CCNY: variants seen among roughly 807,000 people sequenced by gnomAD.
CCNY encodes cyclin Y, also known as cyclin-Y.
CCNY carries 19 observed loss-of-function variants against 42.8 expected under a neutral mutation model. The ratio of observed to expected loss-of-function variants is 0.44; its 90% CI spans 0.31 to 0.65. The LOEUF is 0.65. Ranked by LOEUF, CCNY falls within the 30% of genes least tolerant of loss-of-function variation. CCNY has a pLI of 0.07. For synonymous variants in CCNY, 165 were observed against 162.7 expected (o/e 1.01, Z -0.11); for missense variants, 370 against 437.3 (o/e 0.85, Z 1.37).
chr10:35,314,356 C>T (rs1835727669), intron 3 of CCNY, among the ~76,000 whole-genome samples: 1 of 152,036 alleles, frequency 6.6e-6, no homozygotes, highest in Non-Finnish European at 1.5e-5. Context: ...GAGAGCCAAG[C>T]AAAAGGGGAA....
chr10:35,282,999 A>T (rs1410115203), intron 3 of CCNY, among the ~76,000 whole-genome samples: 3 of 152,164 alleles, frequency 2.0e-5, no homozygotes, highest in Non-Finnish European at 4.4e-5. Flanking sequence ...GATGTGCTGC[A>T]CATTGAGCGA....
At chr10:35,258,781 CA>C (rs2095717321) in intron 3 of CCNY, among the ~76,000 whole-genome samples, 1 of 152,018 alleles carries the variant, frequency 6.6e-6, no homozygotes, top group East Asian at 1.9e-4. Flanking sequence ...ACTAAAAATA[CA>C]AAAATAAGCT....
intron 1 of CCNY, among the ~76,000 whole-genome samples, chr10:35,342,511 C>G (rs2135122562): frequency 6.6e-6 from 1 of 152,326 alleles, no homozygotes; most frequent in South Asian, 2.1e-4. Context: ...TCTCTGCTTA[C>G]TTTTCATGTT....
chr10:35,524,046 A>G (rs917992518), intron 4 of CCNY, among the ~76,000 whole-genome samples: 1 of 152,254 alleles, frequency 6.6e-6, no homozygotes, highest in Non-Finnish European at 1.5e-5. Context: ...CAGCATGACT[A>G]GTAAACGAAT....
At chr10:35,360,002 A>G (rs1460360946) in intron 1 of CCNY, among the ~76,000 whole-genome samples, 3 of 152,214 alleles carry the variant, frequency 2.0e-5, no homozygotes, top group African/African-American at 7.2e-5. Context: ...TTGTTTACCC[A>G]TTCATCTCTT....
chr10:35,400,599 A>G (rs1429646869), intron 1 of CCNY, among the ~76,000 whole-genome samples: 2 of 152,250 alleles, frequency 1.3e-5, no homozygotes, highest in Non-Finnish European at 2.9e-5. Context: ...TAAAAGAATT[A>G]TCAGTAGCTG....
At chr10:35,324,171 G>A (rs1285571875) in intron 3 of CCNY, among the ~76,000 whole-genome samples, 1 of 152,174 alleles carries the variant, frequency 6.6e-6, no homozygotes, top group Non-Finnish European at 1.5e-5. Flanking sequence ...AGACGACCCT[G>A]GCACTCATAG....
chr10:35,440,302 A>ACTCAC (rs1325851372), intron 1 of CCNY, among the ~76,000 whole-genome samples: 1 of 152,168 alleles, frequency 6.6e-6, no homozygotes, highest in Non-Finnish European at 1.5e-5. Flanking sequence ...AACTCAGGGA[A>ACTCAC]CTCACCCCTG....
Position 35,571,359 on chromosome 10 carries a change from C to T in CCNY, c.*2189C>T, listed in dbSNP as rs1841682940. ...TCTATTTATTGTATGTATGTACATA[C>T]AGTCTGATACCTAAAATTTAAAGTG... On this transcript the variant is annotated 3_prime_UTR_variant, in exon 10 of 10. Coordinates refer to ENST00000374704, the MANE Select transcript of CCNY (RefSeq NM_145012.6). The T allele has an allele frequency of 6.6e-6, 1 of 152,330 alleles. No individual in the cohort carries two copies. 9.4% of individuals were successfully genotyped at this position (152,330 alleles called of 1,614,324 possible).
intron 1 of CCNY, among the ~76,000 whole-genome samples, chr10:35,482,923 C>G (rs1839705704): frequency 6.6e-6 from 1 of 152,090 alleles, no homozygotes; most frequent in Non-Finnish European, 1.5e-5. Flanking sequence ...GTAGCTTTTG[C>G]TCTAAGGGAC....
intron 1 of CCNY, among the ~76,000 whole-genome samples, chr10:35,476,183 A>G (rs1264117385): frequency 6.6e-6 from 1 of 152,184 alleles, no homozygotes; most frequent in South Asian, 2.1e-4. Context: ...CACATTAATA[A>G]TGGGAGACTT....
At chr10:35,320,763 G>A (rs1461897312) in intron 3 of CCNY, 2 of 152,252 alleles carry the variant, frequency 1.3e-5, no homozygotes, top group East Asian at 3.9e-4. Flanking sequence ...AGTGACTTTA[G>A]CATAGGTTAA....
At chr10:35,324,953 A>G (rs184059132) in intron 3 of CCNY, among the ~76,000 whole-genome samples, 2 of 152,344 alleles carry the variant, frequency 1.3e-5, no homozygotes, top group East Asian at 1.9e-4. Flanking sequence ...AACACCCATC[A>G]TCCCCTCAGT....
At chr10:35,365,094 T>A (rs1185952903) in intron 1 of CCNY, among the ~76,000 whole-genome samples, 1 of 152,216 alleles carries the variant, frequency 6.6e-6, no homozygotes, top group African/African-American at 2.4e-5. Context: ...ATAACTGGGC[T>A]CCATACTTAA....
rs369170090 is a variant in CCNY, at chr10:35,553,003, T to C, written c.580-16T>C. 1.3e-5 allele frequency: 21 copies of C among 1,610,246 alleles called. No individual in the cohort carries two copies. Among genetic ancestry groups the C allele is most frequent in the Middle Eastern group, 1.6e-4 (1 of 6,070 alleles). On this transcript the variant is annotated splice_polypyrimidine_tract_variant and intron_variant, in intron 7 of 9. Coordinates refer to ENST00000374704, the MANE Select transcript of CCNY (RefSeq NM_145012.6). Reference sequence around the variant, plus strand: ...AAAACAAATCACTTAGCTCTGGCATTGTCTTGTCTTCCCAGGTGTACCTTG... The same window carrying C: ...AAAACAAATCACTTAGCTCTGGCATCGTCTTGTCTTCCCAGGTGTACCTTG...
chr10:35,412,860 C>CAAAAAAAAAAAAAAAAAAAAAAAAAA (rs10558250), intron 1 of CCNY, among the ~76,000 whole-genome samples: 2 of 34,752 alleles, frequency 5.8e-5, no homozygotes, highest in Non-Finnish European at 5.4e-5. Flanking sequence ...GACTCTGTCT[C>CAAAAAAAAAAAAAAAAAAAAAAAAAA]AAAAAAAAAA....
At chr10:35,438,881 A>G (rs978155920) in intron 1 of CCNY, among the ~76,000 whole-genome samples, 5 of 152,156 alleles carry the variant, frequency 3.3e-5, no homozygotes, top group African/African-American at 9.7e-5. Context: ...TAGTTTCATG[A>G]AAATATCTTG....
chr10:35,502,364 A>G (rs1259282856), intron 3 of CCNY, among the ~76,000 whole-genome samples: 1 of 152,210 alleles, frequency 6.6e-6, no homozygotes, highest in African/African-American at 2.4e-5. Flanking sequence ...CTTTCTCAGG[A>G]TTTTTAGACT....
At chr10:35,262,988 C>G (rs1221573096) in intron 3 of CCNY, among the ~76,000 whole-genome samples, 1 of 151,514 alleles carries the variant, frequency 6.6e-6, no homozygotes, top group Non-Finnish European at 1.5e-5. Flanking sequence ...GAGGCCAAGG[C>G]AGGAGGATCA....
Sources: allele counts gnomAD v4.1 joint callset (sites outside exome capture counted in the v4.1 genomes callset), GRCh38; gene constraint gnomAD v4.1.1; transcripts MANE v1.5; gene names NCBI Gene and HGNC (gene_info 2026-07-23, HGNC 2026-07-21).